MGAT4C: variants seen among roughly 807,000 people sequenced by gnomAD.
MGAT4C encodes MGAT4 family member C, also known as alpha-1,3-mannosyl-glycoprotein 4-beta-N-acetylglucosaminyltransferase C.
Under a neutral mutation model 40.1 loss-of-function variants are expected in MGAT4C, and 19 were observed. The ratio of observed to expected loss-of-function variants is 0.47; its 90% CI spans 0.33 to 0.70. MGAT4C has a LOEUF of 0.70. MGAT4C is among the 30% of genes least tolerant of loss of function. MGAT4C has a pLI of 0.02. For missense variants in MGAT4C, 491 were observed against 563.2 expected (o/e 0.87, Z 1.30); for synonymous variants, 181 against 187.1 (o/e 0.97, Z 0.27).
chr12:86,822,719 AGAGTGGAATAATTCAAT>A (rs1346282461), intron 1 of MGAT4C, among the ~76,000 whole-genome samples: 18 of 151,208 alleles, frequency 1.2e-4, no homozygotes, highest in Non-Finnish European at 2.4e-4. Flanking sequence ...TCATGCAATA[AGAGTGGAATAATTCAAT>A]ACCGCACACT....
At chr12:86,540,222 T>C (rs896271185) in intron 2 of MGAT4C, among the ~76,000 whole-genome samples, 4 of 152,234 alleles carry the variant, frequency 2.6e-5, no homozygotes, top group Admixed American at 2.6e-4. Context: ...TTTAAAGTCA[T>C]GGTGGCTTCC....
intron 2 of MGAT4C, among the ~76,000 whole-genome samples, chr12:86,482,664 A>G (rs1957956668): frequency 6.6e-6 from 1 of 152,078 alleles, no homozygotes; most frequent in Non-Finnish European, 1.5e-5. Context: ...CGTATTTAAA[A>G]GTTTTCAGCT....
chr12:86,287,895 T>C (rs1039899903), intron 4 of MGAT4C, among the ~76,000 whole-genome samples: 3 of 152,218 alleles, frequency 2.0e-5, no homozygotes, highest in Non-Finnish European at 2.9e-5. Flanking sequence ...AAATGGTATT[T>C]CTGGTTCTAG....
chr12:86,676,818 T>C (rs961915199), intron 2 of MGAT4C, among the ~76,000 whole-genome samples: 1 of 152,134 alleles, frequency 6.6e-6, no homozygotes, highest in Non-Finnish European at 1.5e-5. Context: ...CATATAAGTA[T>C]GGTGAAATAA....
chr12:86,535,231 T>G (rs1959048875), intron 2 of MGAT4C, among the ~76,000 whole-genome samples: 1 of 152,118 alleles, frequency 6.6e-6, no homozygotes. Context: ...ATGACCTAAT[T>G]TAACTCAATT....
chr12:86,044,529 T>C (rs1237923267), intron 2 of MGAT4C, among the ~76,000 whole-genome samples: 3 of 152,046 alleles, frequency 2.0e-5, no homozygotes, highest in Non-Finnish European at 2.9e-5. Flanking sequence ...CACTCGCATG[T>C]GTGCACGCTG....
At position 86,061,361 on chromosome 12, in the gene MGAT4C, C is replaced by G. The variant is rs538835084; in HGVS notation, c.-56-11638G>C. 9.8e-5 allele frequency among the ~76,000 whole-genome samples: 15 copies of G among 152,294 alleles called. 1 individual carries two copies. The South Asian group carries it at 2.9e-3, about 29-fold the overall frequency. On this transcript the variant is annotated intron_variant, in intron 1 of 4. Coordinates refer to ENST00000611864, the MANE Select transcript of MGAT4C (RefSeq NM_001351288.2). Reference sequence around the variant, plus strand: ...GTGCTTTTCCCATGACTTTCACAACCTGCGGACCAGGAGATTCCCTTGGTG... The same window carrying G: ...GTGCTTTTCCCATGACTTTCACAACGTGCGGACCAGGAGATTCCCTTGGTG...
At chr12:86,108,151 A>C in intron 1 of MGAT4C, among the ~76,000 whole-genome samples, 1 of 152,092 alleles carries the variant, frequency 6.6e-6, no homozygotes, top group Non-Finnish European at 1.5e-5. Flanking sequence ...GGGACCCCAG[A>C]AAAGCCTTAA....
chr12:86,676,705 T>C (rs184283684), intron 2 of MGAT4C, among the ~76,000 whole-genome samples: 1 of 152,228 alleles, frequency 6.6e-6, no homozygotes, highest in African/African-American at 2.4e-5. Context: ...AAAAAGTAAC[T>C]TTCATTTTGA....
intron 1 of MGAT4C, among the ~76,000 whole-genome samples, chr12:86,815,094 G>A (rs2136220788): frequency 6.6e-6 from 1 of 152,026 alleles, no homozygotes; most frequent in Admixed American, 6.6e-5. Context: ...CATATTGTTA[G>A]CAAATAGTTA....
intron 2 of MGAT4C, among the ~76,000 whole-genome samples, chr12:86,679,565 TC>T (rs1949942206): frequency 6.6e-6 from 1 of 151,960 alleles, no homozygotes; most frequent in Non-Finnish European, 1.5e-5. Context: ...TAAAATCCTG[TC>T]CCCCAAGATG....
At chr12:86,404,000 C>T (rs535182124) in intron 3 of MGAT4C, among the ~76,000 whole-genome samples, 63 of 151,822 alleles carry the variant, frequency 4.1e-4, no homozygotes, top group Non-Finnish European at 7.8e-4. Context: ...CAAATATTAC[C>T]GGAAATAATA....
chr12:86,332,146 A>T (rs904746727), intron 4 of MGAT4C, among the ~76,000 whole-genome samples: 1 of 152,150 alleles, frequency 6.6e-6, no homozygotes, highest in Admixed American at 6.5e-5. Context: ...AACAATTTTA[A>T]ATTATAAAAA....
At chr12:86,309,490 G>A (rs1954016941) in intron 4 of MGAT4C, among the ~76,000 whole-genome samples, 1 of 151,972 alleles carries the variant, frequency 6.6e-6, no homozygotes, top group African/African-American at 2.4e-5. Flanking sequence ...AGGACGGGGG[G>A]CAAACTCATC....
chr12:86,642,516 G>A (rs1227151735), intron 2 of MGAT4C, among the ~76,000 whole-genome samples: 1 of 151,702 alleles, frequency 6.6e-6, no homozygotes, highest in African/African-American at 2.4e-5. Flanking sequence ...GCTAAGTAAA[G>A]GGCTTCAAGC....
chr12:86,627,166 G>GA (rs1962839380), intron 2 of MGAT4C, among the ~76,000 whole-genome samples: 1 of 151,752 alleles, frequency 6.6e-6, no homozygotes. Context: ...GCCTGGCTGG[G>GA]GAGGGGCATC....
chr12:86,497,938 A>T (rs1221270898), intron 2 of MGAT4C, among the ~76,000 whole-genome samples: 1 of 144,506 alleles, frequency 6.9e-6, no homozygotes, highest in African/African-American at 2.5e-5. Flanking sequence ...ATATAATATT[A>T]TATATAATAT....
At position 86,570,505 on chromosome 12, in the gene MGAT4C, A is replaced by T. The variant is rs533098226; in HGVS notation, c.-228-135240T>A. ...AAAAATCAGCTCAAAATGAGTTAAA[A>T]ACTAGCTGAAAAATTAAACTAAAAA... is the stretch of plus-strand genomic sequence containing the variant. On this transcript the variant is annotated intron_variant, in intron 2 of 7. Coordinates refer to the MGAT4C transcript ENST00000548651. 4.6e-5 allele frequency among the ~76,000 whole-genome samples: 7 copies of T among 152,264 alleles called. No homozygotes were observed. In the East Asian group the frequency reaches 1.4e-3, roughly 29 times the overall value.
chr12:86,084,896 G>GT (rs1378070821), intron 1 of MGAT4C, among the ~76,000 whole-genome samples: 1 of 151,934 alleles, frequency 6.6e-6, no homozygotes, highest in Admixed American at 6.6e-5. Flanking sequence ...AAGGATGGTT[G>GT]TAAGGCCAGT....
Sources: allele counts gnomAD v4.1 joint callset (sites outside exome capture counted in the v4.1 genomes callset), GRCh38; gene constraint gnomAD v4.1.1; transcripts MANE v1.5; gene names NCBI Gene and HGNC (gene_info 2026-07-23, HGNC 2026-07-21).